The following ANKRD36B variants were observed in gnomAD, a reference collection of about 807,000 sequenced individuals.
ANKRD36B encodes ankyrin repeat domain 36B.
Under a neutral mutation model 135.7 loss-of-function variants are expected in ANKRD36B, and 37 were observed. That is an observed-to-expected ratio of 0.27 (90% CI 0.21 to 0.36). The LOEUF (loss-of-function observed/expected upper bound fraction) is 0.36. Among genes scored for constraint, ANKRD36B ranks in the 10% least tolerant of loss-of-function variants. ANKRD36B has a pLI of 1.00. For synonymous variants in ANKRD36B, 179 were observed against 348.1 expected (o/e 0.51, Z 5.41); for missense variants, 549 against 1,037.1 (o/e 0.53, Z 6.46).
chr2:97,582,137 G>A (rs2082673889), intron 3 of ANKRD36B, among the ~76,000 whole-genome samples: 1 of 151,846 alleles, frequency 6.6e-6, no homozygotes, highest in African/African-American at 2.4e-5. Flanking sequence ...AGGCAATGCT[G>A]AAGAGAAAAA....
chr2:97,580,157 ACAC>A (rs1303373681), intron 4 of ANKRD36B, among the ~76,000 whole-genome samples: 11 of 152,398 alleles, frequency 7.2e-5, no homozygotes, highest in Non-Finnish European at 8.8e-5. Context: ...ATTGTAAATA[ACAC>A]CACATCATCT....
chr2:97,538,213 A>G lies in ANKRD36B; in HGVS notation c.2044T>C (p.Leu682=), dbSNP rs557674379. 4 of 1,256,166 alleles carry G rather than the reference A, an allele frequency of 3.2e-6. 1 individual carries two copies. The highest frequency in any genetic ancestry group is 4.4e-6 in the Non-Finnish European group (4 of 916,062). The allele number at this position is 1,256,166 out of a possible 1,614,324, so 77.8% of individuals were successfully genotyped here. ...CCCGTTATTCTTGTGGCAATATTCA[A>G]AAGAGAAACTTTCTTTTTAAATATA... ...KVIFKKKVSL[L]NIATRITGGG... is the part of the protein sequence containing the mutation. The change falls in exon 32 of 44, where the codon TTG becomes CTG. Residue 682 remains leucine (L), a synonymous_variant. Coordinates refer to ENST00000359901, the MANE Select transcript of ANKRD36B (RefSeq NM_001393939.1).
At chr2:97,579,244 T>G (rs2082423460) in intron 4 of ANKRD36B, among the ~76,000 whole-genome samples, 1 of 147,754 alleles carries the variant, frequency 6.8e-6, no homozygotes, top group African/African-American at 2.5e-5. Flanking sequence ...AGGAAGCCTC[T>G]TGTCCCACTG....
In ANKRD36B at chr2:97,538,996, C is replaced by G. The variant is rs1411075400; in HGVS notation, c.1988-633G>C. Among the ~76,000 whole-genome samples, 2 of 96,138 alleles carry G rather than the reference C, an allele frequency of 2.1e-5. 1 individual carries two copies. The highest frequency in any genetic ancestry group is 1.9e-4 in the Admixed American group (2 of 10,774). 63.1% of individuals were successfully genotyped at this position (96,138 alleles called of 152,430 possible). On this transcript the variant is annotated intron_variant, in intron 30 of 43. Transcript: ENST00000359901. ...CATTTGTTGTGTCCTCTAGTTTAGG[C>G]TACAGAAAGGTTCTTCATCCACTCA...
intron 6 of ANKRD36B, among the ~76,000 whole-genome samples, chr2:97,567,491 T>C (rs2081535520): frequency 6.6e-6 from 1 of 151,996 alleles, no homozygotes. Context: ...AAGTCAATCA[T>C]TAGCATACAA....
chr2:97,557,205 T>G, intron 10 of ANKRD36B, 73 bp from the exon 11 acceptor site: 8 of 1,497,968 alleles, frequency 5.3e-6, no homozygotes, highest in South Asian at 1.3e-5. Flanking sequence ...CATGCAGTGT[T>G]AGCATCAAGC....
intron 12 of ANKRD36B, among the ~76,000 whole-genome samples, chr2:97,556,556 C>A (rs1222794556): frequency 6.6e-6 from 1 of 151,840 alleles, no homozygotes; most frequent in Non-Finnish European, 1.5e-5. Flanking sequence ...ATTATGACAA[C>A]TTCCTCCCTC....
At chr2:97,551,598 T>A in intron 16 of ANKRD36B, 118 bp from the exon 17 acceptor site, 1 of 1,490,628 alleles carries the variant, frequency 6.7e-7, no homozygotes, top group Non-Finnish European at 9.2e-7. Context: ...TAGGTTTTGA[T>A]GGCTTCTACT....
chr2:97,569,416 T>C (rs2081669545), intron 6 of ANKRD36B, among the ~76,000 whole-genome samples: 1 of 152,108 alleles, frequency 6.6e-6, no homozygotes, highest in African/African-American at 2.4e-5. Flanking sequence ...CAGGGGTTAA[T>C]TGTGAGGGAG....
At chr2:97,547,324 T>C (rs1473483660) in intron 22 of ANKRD36B, 1 of 559,576 alleles carries the variant, frequency 1.8e-6, no homozygotes. Context: ...TTCTTCCCAA[T>C]TTCAATGTGG....
chr2:97,536,790 T>C lies in ANKRD36B; in HGVS notation c.2090-294A>G, dbSNP rs1182029663. On this transcript the variant is annotated intron_variant, in intron 32 of 43. Coordinates refer to ENST00000359901, the MANE Select transcript of ANKRD36B (RefSeq NM_001393939.1). ...TACTGATTAACAAGGAGAAATGTGATCTAAAATCAGAGGAGCAAGTCATAA... is the reference window on the plus strand; with the variant it reads ...TACTGATTAACAAGGAGAAATGTGACCTAAAATCAGAGGAGCAAGTCATAA... Among the ~76,000 whole-genome samples the C allele has an allele frequency of 5.2e-5, 5 of 96,992 alleles. 1 individual carries two copies. Among genetic ancestry groups the C allele is most frequent in the African/African-American group, 1.5e-4 (5 of 32,366 alleles). The allele number at this position is 96,992 out of a possible 152,430, so 63.6% of individuals were successfully genotyped here.
chr2:97,546,959 T>G (rs1331240000), intron 22 of ANKRD36B, among the ~76,000 whole-genome samples: 1 of 151,624 alleles, frequency 6.6e-6, no homozygotes. Flanking sequence ...GCAGCCAAAA[T>G]CAAATAACTT....
chr2:97,589,812 C>G lies in ANKRD36B; in HGVS notation c.-127G>C. ...GAAGAGCAACAACAGGCAAAGCAGT[C>G]TGTGCACGGACCTCCGCGCAGACTC... On this transcript the variant is annotated 5_prime_UTR_variant, in exon 1 of 44. Transcript: ENST00000359901. 2 of 1,448,632 alleles carry G rather than the reference C, an allele frequency of 1.4e-6. No homozygotes were observed. The highest frequency in any genetic ancestry group is 1.2e-5 in the South Asian group (1 of 83,920). The allele number at this position is 1,448,632 out of a possible 1,614,324, so 89.7% of individuals were successfully genotyped here. A position where few individuals can be genotyped will look rare whatever the true frequency, so the allele number is the denominator to read the frequency against.
At chr2:97,547,137 G>T (rs1188035892) in intron 22 of ANKRD36B, 1 of 193,744 alleles carries the variant, frequency 5.2e-6, no homozygotes, top group Non-Finnish European at 1.1e-5. Flanking sequence ...CTCCTACAGT[G>T]TCTACGGGTT....
At chr2:97,553,027 A>T in intron 16 of ANKRD36B, 141 bp downstream of exon 16, 3 of 1,017,090 alleles carry the variant, frequency 2.9e-6, no homozygotes, top group Middle Eastern at 3.1e-4. Context: ...AATTTATTAC[A>T]AATGAAGACT....
intron 18 of ANKRD36B, 44 bp downstream of exon 18, chr2:97,551,245 T>C (rs746272371): frequency 6.4e-5 from 98 of 1,536,662 alleles, no homozygotes; most frequent in Non-Finnish European, 8.6e-5. Context: ...AGAGAACTTC[T>C]TATCTGGACT....
chr2:97,569,427 G>C (rs2081670318), intron 6 of ANKRD36B, among the ~76,000 whole-genome samples: 1 of 152,020 alleles, frequency 6.6e-6, no homozygotes, highest in South Asian at 2.1e-4. Context: ...TGTGAGGGAG[G>C]AATAAAAAAA....
At chr2:97,527,935 C>T (rs571813799) in intron 35 of ANKRD36B, among the ~76,000 whole-genome samples, 1 of 95,998 alleles carries the variant, frequency 1.0e-5, no homozygotes, top group South Asian at 2.4e-4. Flanking sequence ...GAGACTTAGA[C>T]TCCCACACAA....
intron 18 of ANKRD36B, among the ~76,000 whole-genome samples, chr2:97,550,583 T>C (rs2079956361): frequency 6.6e-6 from 1 of 151,862 alleles, no homozygotes; most frequent in African/African-American, 2.4e-5. Context: ...ATCTCATTTC[T>C]ATAACTAAAA....
Sources: gnomAD v4.1 joint callset for allele counts (sites outside exome capture counted in the v4.1 genomes callset) on GRCh38, gnomAD v4.1.1 for gene constraint, MANE v1.5 for transcripts, NCBI Gene and HGNC (gene_info 2026-07-23, HGNC 2026-07-21) for gene names.